FAM149A: variants seen among roughly 807,000 people sequenced by gnomAD.
FAM149A encodes family with sequence similarity 149 member A.
FAM149A carries 71 observed loss-of-function variants against 78.2 expected under a neutral mutation model. That is an observed-to-expected ratio of 0.91 (90% CI 0.75 to 1.11). The LOEUF (loss-of-function observed/expected upper bound fraction) is 1.11. FAM149A is among the 50% of genes least tolerant of loss of function. The pLI is 0.00. For synonymous variants in FAM149A, 446 were observed against 410.5 expected (o/e 1.09, Z -1.04); for missense variants, 1,036 against 971.0 (o/e 1.07, Z -0.89).
chr4:186,104,732 C>T lies in FAM149A; in HGVS notation c.-345C>T, dbSNP rs1308418010. On this transcript the variant is annotated 5_prime_UTR_variant, in exon 1 of 14. It adds an upstream start codon to the 5' untranslated region. Transcript: ENST00000389354. The stretch of plus-strand genomic sequence containing the variant: ...CTGGAGCGCGGCCGGGTGTGTTGAA[C>T]GTAGCAACCGCGGGCGGCGGGCGGC... Among the ~76,000 whole-genome samples the T allele has an allele frequency of 2.3e-5, 3 of 131,620 alleles. No homozygotes were observed. Among genetic ancestry groups the T allele is most frequent in the South Asian group, 2.5e-4 (1 of 3,934 alleles). The allele number at this position is 131,620 out of a possible 152,430, so 86.3% of individuals were successfully genotyped here. A position where few individuals can be genotyped will look rare whatever the true frequency, so the allele number is the denominator to read the frequency against.
chr4:186,126,198 TTACC>T, intron 1 of FAM149A: 3 of 658,168 alleles, frequency 4.6e-6, no homozygotes, highest in Non-Finnish European at 5.6e-6. Flanking sequence ...TCGCGCCTTG[TTACC>T]AAAAAGGATA....
chr4:186,158,573 T>G lies in FAM149A; in HGVS notation c.1575+854T>G, dbSNP rs530549118. On this transcript the variant is annotated intron_variant, in intron 8 of 13. Coordinates refer to ENST00000389354, the MANE Select transcript of FAM149A (RefSeq NM_001367768.3). ...AAGGGGGAGTTTCAGGGGAACAGAT[T>G]GCTCCAGTGCCTGCTGAGCATTGCC... 3.5e-4 allele frequency: 182 copies of G among 518,130 alleles called. No homozygotes were observed. The African/African-American group carries it at 4.2e-3, about 12-fold the overall frequency. 32.1% of individuals were successfully genotyped at this position (518,130 alleles called of 1,614,324 possible).
At position 186,124,321 on chromosome 4, in the gene FAM149A, G is replaced by A. The variant is rs1338306308; in HGVS notation, c.566+18679G>A. On this transcript the variant is annotated intron_variant, in intron 1 of 13. Coordinates refer to ENST00000389354, the MANE Select transcript of FAM149A (RefSeq NM_001367768.3). ...GTACATGTGTACAACGTGCAGCTTT[G>A]TTACATATGTATACATGTGCCATGT... The A allele has an allele frequency of 8.7e-6, 4 of 461,128 alleles. No homozygotes were observed. The Admixed American group carries it at 2.6e-4, about 30-fold the overall frequency. 28.6% of individuals were successfully genotyped at this position (461,128 alleles called of 1,614,324 possible).
In FAM149A at chr4:186,111,017, TAA is replaced by T. The variant is rs1235311741; in HGVS notation, c.566+5378_566+5379del. ...CTAGTTTACAGTCCCACCAACAGTG[TAA>T]AAGTGTTCCTATTTCTCCACATCCT... On this transcript the variant is annotated intron_variant, in intron 1 of 13. Coordinates refer to ENST00000389354, the MANE Select transcript of FAM149A (RefSeq NM_001367768.3). 3.1e-5 allele frequency among the ~76,000 whole-genome samples: 4 copies of T among 129,868 alleles called. No individual in the cohort carries two copies. In the East Asian group the frequency reaches 9.0e-4, roughly 29 times the overall value. 85.2% of individuals were successfully genotyped at this position (129,868 alleles called of 152,430 possible). A position where few individuals can be genotyped will look rare whatever the true frequency, so the allele number is the denominator to read the frequency against.
Position 186,165,398 on chromosome 4 carries a change from G to A in FAM149A, c.1944G>A (p.Arg648=), listed in dbSNP as rs148278055. 6.2e-7 allele frequency: 1 copy of A among 1,614,208 alleles called. No homozygotes were observed. Among genetic ancestry groups the A allele is most frequent in the East Asian group, 2.2e-5 (1 of 44,876 alleles). The change falls in exon 11 of 14, where the codon AGG becomes AGA. Residue 648 remains arginine, a synonymous_variant. Transcript: ENST00000389354. ...CACTGGTTCAAACGTCACGGAGCAG[G>A]TTCCCCCCGCTAGTCACGGAGACCA... is the stretch of plus-strand genomic sequence containing the variant.
rs1374696576 is a variant in FAM149A at position 186,169,448 on chromosome 4, G to A, written c.2218+2186G>A. 5 of 984,532 alleles carry A rather than the reference G, an allele frequency of 5.1e-6. No individual in the cohort carries two copies. In the Admixed American group the frequency reaches 2.5e-4, roughly 48 times the overall value. 61.0% of individuals were successfully genotyped at this position (984,532 alleles called of 1,614,324 possible). A position where few individuals can be genotyped will look rare whatever the true frequency, so the allele number is the denominator to read the frequency against. Reference sequence around the variant, plus strand: ...CATGTGGCCTCACACACGGATTTGAGCTTGGGAGCGGGAGGCCTAAGTCTT... The same window carrying A: ...CATGTGGCCTCACACACGGATTTGAACTTGGGAGCGGGAGGCCTAAGTCTT... On this transcript the variant is annotated intron_variant, in intron 13 of 13. Coordinates refer to ENST00000389354, the MANE Select transcript of FAM149A (RefSeq NM_001367768.3).
Position 186,140,441 on chromosome 4 carries a change from C to CTT in FAM149A, c.567-8709_567-8708dup, listed in dbSNP as rs67506672. Among the ~76,000 whole-genome samples the CTT allele has an allele frequency of 7.7e-4, 81 of 104,966 alleles. 1 individual carries two copies. Among genetic ancestry groups the CTT allele is most frequent in the African/African-American group, 1.4e-3 (37 of 26,738 alleles). The allele number at this position is 104,966 out of a possible 152,430, so 68.9% of individuals were successfully genotyped here. A position where few individuals can be genotyped will look rare whatever the true frequency, so the allele number is the denominator to read the frequency against. On this transcript the variant is annotated intron_variant, in intron 1 of 13. Coordinates refer to ENST00000389354, the MANE Select transcript of FAM149A (RefSeq NM_001367768.3). ...TACAGATCCATGTGAACACACCTAG[C>CTT]TTTTTTTTTTTTTTTTTTTTTTTTG... is the stretch of plus-strand genomic sequence containing the variant.
Position 186,151,885 on chromosome 4 carries a change from G to C in FAM149A, c.790-18G>C. 6.2e-7 allele frequency: 1 copy of C among 1,613,326 alleles called. No individual in the cohort carries two copies. The highest frequency in any genetic ancestry group is 8.5e-7 in the Non-Finnish European group (1 of 1,179,564). On this transcript the variant is annotated intron_variant, in intron 3 of 13. Coordinates refer to ENST00000389354, the MANE Select transcript of FAM149A (RefSeq NM_001367768.3). ...CTGTAACTTGCAGTGTTGTAACCAA[G>C]TGTGCATTTCTGTTTAGGAATTTGA...
rs1219354932 is a variant in FAM149A at position 186,144,939 on chromosome 4, GGGC to G, written c.567-4232_567-4230del. 1.6e-5 allele frequency: 4 copies of G among 252,486 alleles called. No homozygotes were observed. The highest frequency in any genetic ancestry group is 1.8e-5 in the Non-Finnish European group (4 of 219,500). 15.6% of individuals were successfully genotyped at this position (252,486 alleles called of 1,614,324 possible). On this transcript the variant is annotated intron_variant, in intron 1 of 13. Coordinates refer to ENST00000389354, the MANE Select transcript of FAM149A (RefSeq NM_001367768.3). This position sits in a 1 kb window ranked among gnomAD's most constrained non-coding sequence, Gnocchi z 4.2. Reference sequence around the variant, plus strand: ...CCAGCCGCGCGGCGGGCGCGGGCGCGGGCGCGGGCGCGGGCGCGGGCGGGTGGG... The same window carrying G: ...CCAGCCGCGCGGCGGGCGCGGGCGCGGCGGGCGCGGGCGCGGGCGGGTGGG...
chr4:186,169,785 G>A, intron 13 of FAM149A: 2 of 985,390 alleles, frequency 2.0e-6, no homozygotes, highest in Non-Finnish European at 2.4e-6. Context: ...ATCACATATG[G>A]CCACTTAACT....
chr4:186,123,334 T>G, intron 1 of FAM149A: 1 of 985,492 alleles, frequency 1.0e-6, no homozygotes, highest in Non-Finnish European at 1.2e-6. Context: ...GCAAGTTTTC[T>G]TGTCTGTACC....
At chr4:186,149,904 G>C (rs544134348) in intron 3 of FAM149A, among the ~76,000 whole-genome samples, 200 bp downstream of exon 3, 113 of 152,260 alleles carry the variant, frequency 7.4e-4, no homozygotes, top group Non-Finnish European at 1.4e-3. Flanking sequence ...ACTCCCTCGT[G>C]ACCTTCTGGC....
intron 13 of FAM149A, among the ~76,000 whole-genome samples, chr4:186,170,482 G>C (rs572427829): frequency 1.3e-5 from 2 of 152,308 alleles, no homozygotes; most frequent in South Asian, 4.1e-4. Flanking sequence ...AACAAAACAA[G>C]ACTGTGCCTT....
At chr4:186,127,408 T>C (rs1198930329) in intron 1 of FAM149A, 2 of 985,314 alleles carry the variant, frequency 2.0e-6, no homozygotes, top group African/African-American at 3.5e-5. Flanking sequence ...GACAAAAGGC[T>C]TTGTGATGAC....
intron 1 of FAM149A, among the ~76,000 whole-genome samples, chr4:186,137,400 A>G (rs1428763841): frequency 6.6e-6 from 1 of 152,124 alleles, no homozygotes; most frequent in Admixed American, 6.5e-5. Flanking sequence ...CCTCATGCAC[A>G]TTCATATCAT....
At chr4:186,141,390 C>T (rs563969826) in intron 1 of FAM149A, among the ~76,000 whole-genome samples, 145 of 152,138 alleles carry the variant, frequency 9.5e-4, no homozygotes, top group Non-Finnish European at 1.3e-3. Context: ...TAAAATATAT[C>T]ATTAAAATTA....
In FAM149A at chr4:186,175,120, G is replaced by A. The variant is rs73027993; in HGVS notation, c.*3133G>A. On this transcript the variant is annotated 3_prime_UTR_variant, in exon 14 of 14. Coordinates refer to ENST00000389354, the MANE Select transcript of FAM149A (RefSeq NM_001367768.3). Reference sequence around the variant, plus strand: ...TTTTGTGAATTTAATATAAAAGGAAGTATCCATATTGATATTATTCTGAAC... The same window carrying A: ...TTTTGTGAATTTAATATAAAAGGAAATATCCATATTGATATTATTCTGAAC... Among the ~76,000 whole-genome samples the A allele has an allele frequency of 0.094, 10,417 of 110,662 alleles. 3,256 individuals are homozygous for A. Among genetic ancestry groups the A allele is most frequent in the Middle Eastern group, 0.12 (15 of 122 alleles). 72.6% of individuals were successfully genotyped at this position (110,662 alleles called of 152,430 possible). A position where few individuals can be genotyped will look rare whatever the true frequency, so the allele number is the denominator to read the frequency against.
chr4:186,168,458 C>T (rs1049488535), intron 13 of FAM149A, among the ~76,000 whole-genome samples: 3 of 152,176 alleles, frequency 2.0e-5, no homozygotes. Context: ...CAGGTTCAAG[C>T]GATTCTGCTG....
intron 1 of FAM149A, chr4:186,125,745 A>T (rs2099318046): frequency 1.0e-6 from 1 of 985,020 alleles, no homozygotes. Context: ...GCTGAAGGAT[A>T]CTGAGAGAAG....
Sources: allele counts gnomAD v4.1 joint callset (sites outside exome capture counted in the v4.1 genomes callset), GRCh38; gene constraint gnomAD v4.1.1; non-coding constraint Gnocchi (gnomAD v3.1); transcripts MANE v1.5; gene names NCBI Gene and HGNC (gene_info 2026-07-23, HGNC 2026-07-21).